The following ACTR3C variants were observed in gnomAD, a reference collection of about 807,000 sequenced individuals.
ACTR3C encodes actin-related protein 3C.
In ACTR3C, 18 loss-of-function variants were observed where a neutral mutation model predicts 26.3. The observed-to-expected ratio is 0.68, with a 90% CI of 0.47 to 1.01. ACTR3C has a LOEUF of 1.01. Among genes scored for constraint, ACTR3C ranks in the 50% least tolerant of loss-of-function variants. The probability of loss-of-function intolerance (pLI) is 0.00; values close to 1 mark genes in which losing one functional copy is unlikely to be tolerated. For missense variants in ACTR3C, 184 were observed against 250.7 expected (o/e 0.73, Z 1.80); for synonymous variants, 55 against 94.5 (o/e 0.58, Z 2.42).
intron 1 of ACTR3C, among the ~76,000 whole-genome samples, chr7:150,307,621 T>C (rs906038999): frequency 3.3e-5 from 5 of 152,196 alleles, no homozygotes; most frequent in Non-Finnish European, 7.3e-5. Context: ...TCAGACTCAG[T>C]CCGCCTGCAC....
the ACTR3C span, among the ~76,000 whole-genome samples, chr7:150,123,744 C>A: frequency 3.3e-5 from 5 of 152,128 alleles, no homozygotes; most frequent in Non-Finnish European, 7.3e-5. Flanking sequence ...GTATTTAAGG[C>A]TCTTTGGTGA....
chr7:149,987,545 C>T, the ACTR3C span, among the ~76,000 whole-genome samples: 35 of 144,840 alleles, frequency 2.4e-4, no homozygotes, highest in East Asian at 2.0e-3. Context: ...CCAGCCTGGG[C>T]GACAGAGCAA....
the ACTR3C span, among the ~76,000 whole-genome samples, chr7:150,181,862 A>T: frequency 6.6e-6 from 1 of 150,488 alleles, no homozygotes; most frequent in Non-Finnish European, 1.5e-5. Flanking sequence ...CAGTCAACAA[A>T]TGTGTGTTGG....
intron 3 of ACTR3C, among the ~76,000 whole-genome samples, chr7:150,290,836 A>G (rs1563186272): frequency 6.6e-6 from 1 of 152,262 alleles, no homozygotes; most frequent in African/African-American, 2.4e-5. Context: ...CACAATTACT[A>G]TATTCTATGC....
the ACTR3C span, among the ~76,000 whole-genome samples, chr7:150,138,153 G>A: frequency 1.4e-3 from 215 of 152,276 alleles, 1 homozygote; most frequent in African/African-American, 5.0e-3. Context: ...CCAACTGTAC[G>A]GCATGATGGT....
the ACTR3C span, among the ~76,000 whole-genome samples, chr7:150,194,383 A>G: frequency 6.7e-6 from 1 of 148,998 alleles, no homozygotes; most frequent in African/African-American, 2.4e-5. Flanking sequence ...AGTCTTGTAT[A>G]TGATATTAAT....
intron 6 of ACTR3C, among the ~76,000 whole-genome samples, chr7:150,270,834 C>G (rs2129610928): frequency 6.6e-6 from 1 of 152,178 alleles, no homozygotes; most frequent in African/African-American, 2.4e-5. Context: ...CCCAAGACAG[C>G]CTCATGCTCC....
At chr7:150,217,033 C>CG in the ACTR3C span, among the ~76,000 whole-genome samples, 3 of 147,442 alleles carry the variant, frequency 2.0e-5, no homozygotes, top group African/African-American at 8.0e-5. Context: ...AAAGCACATG[C>CG]CTCCCCTTAA....
the ACTR3C span, among the ~76,000 whole-genome samples, chr7:150,038,676 A>G: frequency 1.4e-5 from 2 of 144,784 alleles, no homozygotes; most frequent in Non-Finnish European, 3.0e-5. Flanking sequence ...GAAGATTTGA[A>G]CTTTCTACTT....
At chr7:150,132,915 GCCATAAAAAAAGAATGAAA>G in the ACTR3C span, among the ~76,000 whole-genome samples, 1 of 152,250 alleles carries the variant, frequency 6.6e-6, no homozygotes, top group South Asian at 2.1e-4. Context: ...ATACTACACA[GCCATAAAAAAAGAATGAAA>G]CCATACCCTT....
intron 1 of ACTR3C, among the ~76,000 whole-genome samples, chr7:150,306,654 T>C (rs1381241802): frequency 2.6e-5 from 4 of 152,196 alleles, no homozygotes; most frequent in Admixed American, 2.6e-4. Flanking sequence ...TGAGGCCAGC[T>C]TGGACAACAC....
the ACTR3C span, among the ~76,000 whole-genome samples, chr7:150,182,170 G>A: frequency 1.1e-3 from 164 of 150,290 alleles, 4 homozygotes; most frequent in East Asian, 4.6e-3. Context: ...GATCAAAAAC[G>A]AACAAGCAGA....
At chr7:150,265,419 C>T (rs1477972740) in intron 6 of ACTR3C, among the ~76,000 whole-genome samples, 2 of 151,408 alleles carry the variant, frequency 1.3e-5, no homozygotes, top group African/African-American at 4.9e-5. Context: ...TTAGGTCTGG[C>T]ATGATGGCTT....
At chr7:149,968,754 T>A in the ACTR3C span, among the ~76,000 whole-genome samples, 2 of 152,088 alleles carry the variant, frequency 1.3e-5, no homozygotes, top group African/African-American at 2.4e-5. Context: ...ATGTGACTGA[T>A]CACTCTGCAG....
Position 150,287,508 on chromosome 7 carries a change from G to T in ACTR3C, c.298-968C>A, listed in dbSNP as rs2129612590. Among the ~76,000 whole-genome samples, 3 of 152,204 alleles carry T rather than the reference G, an allele frequency of 2.0e-5. No individual in the cohort carries two copies. The Middle Eastern group carries it at 0.01, about 518-fold the overall frequency. On this transcript the variant is annotated intron_variant, in intron 4 of 7. Coordinates refer to ENST00000683684, the MANE Select transcript of ACTR3C (RefSeq NM_001164458.2). Reference sequence around the variant, plus strand: ...TGTGTTGATATGTGTCCTTAGAGCTGGCCTCAGCATAGCAGCAGGTGACCC... The same window carrying T: ...TGTGTTGATATGTGTCCTTAGAGCTTGCCTCAGCATAGCAGCAGGTGACCC...
the ACTR3C span, among the ~76,000 whole-genome samples, chr7:150,042,976 G>C: frequency 6.6e-6 from 1 of 151,172 alleles, no homozygotes; most frequent in East Asian, 1.9e-4. Flanking sequence ...AAAGTTTCCG[G>C]GTCCCCGCCC....
chr7:150,091,740 T>C, the ACTR3C span, among the ~76,000 whole-genome samples: 1 of 145,128 alleles, frequency 6.9e-6, no homozygotes, highest in African/African-American at 2.5e-5. Context: ...CCCAGCACTT[T>C]GGGAGGCCGA....
chr7:150,273,993 C>T (rs921735250), intron 6 of ACTR3C, among the ~76,000 whole-genome samples: 1 of 152,228 alleles, frequency 6.6e-6, no homozygotes, highest in South Asian at 2.1e-4. Flanking sequence ...CTAAGCACCA[C>T]GGGTCAGCAA....
At chr7:150,249,905 C>G (rs964739785) in intron 6 of ACTR3C, among the ~76,000 whole-genome samples, 1 of 152,210 alleles carries the variant, frequency 6.6e-6, no homozygotes, top group Non-Finnish European at 1.5e-5. Flanking sequence ...GAAGGGTGAT[C>G]CTCCACTTTA....
Sources: gnomAD v4.1 joint callset for allele counts (sites outside exome capture counted in the v4.1 genomes callset) on GRCh38, gnomAD v4.1.1 for gene constraint, MANE v1.5 for transcripts, NCBI Gene and HGNC (gene_info 2026-07-23, HGNC 2026-07-21) for gene names.